Variants in CFAP61 observed in about 807,000 individuals in gnomAD.
The protein encoded by CFAP61 is cilia and flagella associated protein 61, also known as cilia- and flagella-associated protein 61.
Under a neutral mutation model 135.6 loss-of-function variants are expected in CFAP61, and 107 were observed. The observed-to-expected ratio is 0.79, with a 90% CI of 0.67 to 0.93. The LOEUF (loss-of-function observed/expected upper bound fraction) is 0.93. Among genes scored for constraint, CFAP61 ranks in the 40% least tolerant of loss-of-function variants. CFAP61 has a pLI of 0.00. For missense variants in CFAP61, 1,507 were observed against 1,556.2 expected, an observed-to-expected ratio of 0.97 and a Z score of 0.53; for synonymous variants, 575 against 578.5, an observed-to-expected ratio of 0.99 and a Z score of 0.09.
intron 18 of CFAP61, among the ~76,000 whole-genome samples, chr20:20,240,603 A>G (rs2049950224): frequency 6.6e-6 from 1 of 151,810 alleles, no homozygotes; most frequent in African/African-American, 2.4e-5. Context: ...ATCCTGATTA[A>G]TAAGGATCTT....
At chr20:20,274,102 T>G (rs1364287286) in intron 21 of CFAP61, among the ~76,000 whole-genome samples, 1 of 152,236 alleles carries the variant, frequency 6.6e-6, no homozygotes, top group Non-Finnish European at 1.5e-5. Context: ...TTTTGCTGTA[T>G]GACAACATTA....
At position 20,090,933 on chromosome 20, in the gene CFAP61, T is replaced by A; in HGVS notation, c.656T>A (p.Leu219Gln). Residue 219 changes from leucine (L) to glutamine (Q), a missense_variant, in exon 7 of 27, where the codon CTA becomes CAA. By Grantham distance (113) the Leu-to-Gln change is moderately radical. Coordinates refer to ENST00000245957, the MANE Select transcript of CFAP61 (RefSeq NM_015585.4). ...TACGGTGAATACTTCCTGGCCGAAC[T>A]AATAGAGGCCCAAGATGAAGAGAAT... ...ETYGEYFLAE[L>Q]IEAQDEENHA... 1.2e-6 allele frequency: 2 copies of A among 1,614,112 alleles called. No individual in the cohort carries two copies. Among genetic ancestry groups the A allele is most frequent in the Non-Finnish European group, 1.7e-6 (2 of 1,179,980 alleles).
intron 9 of CFAP61, among the ~76,000 whole-genome samples, chr20:20,151,554 C>T (rs1210230990): frequency 1.3e-5 from 2 of 152,058 alleles, no homozygotes; most frequent in African/African-American, 4.8e-5. Context: ...GGGCCAGGTT[C>T]AGTGGCTCAT....
chr20:20,105,154 G>A (rs1270942242), intron 8 of CFAP61, among the ~76,000 whole-genome samples: 1 of 152,106 alleles, frequency 6.6e-6, no homozygotes, highest in African/African-American at 2.4e-5. Flanking sequence ...ATAAGCCCAT[G>A]TTCTTCCCCT....
At chr20:20,190,070 C>T (rs2055813080) in intron 14 of CFAP61, among the ~76,000 whole-genome samples, 1 of 152,228 alleles carries the variant, frequency 6.6e-6, no homozygotes, top group Non-Finnish European at 1.5e-5. Context: ...CAGGCGTGAG[C>T]CACCGTGCCC....
intron 8 of CFAP61, chr20:20,107,768 A>G (rs1391469616): frequency 6.6e-6 from 1 of 152,150 alleles, no homozygotes; most frequent in Admixed American, 6.6e-5. Context: ...TAGCTGGACT[A>G]TAGGTATGTG....
chr20:20,205,912 C>A (rs913049296), intron 17 of CFAP61, among the ~76,000 whole-genome samples: 2 of 152,138 alleles, frequency 1.3e-5, no homozygotes, highest in Non-Finnish European at 2.9e-5. Flanking sequence ...TTATACATTT[C>A]CCAAGATTCA....
At position 20,349,307 on chromosome 20, in the gene CFAP61, G is replaced by A. The variant is rs114763063; in HGVS notation, c.3513+7386G>A. Among the ~76,000 whole-genome samples the A allele has an allele frequency of 7.8e-3, 1,185 of 152,318 alleles. 17 individuals are homozygous for A. The highest frequency in any genetic ancestry group is 0.027 in the African/African-American group (1,132 of 41,568). On this transcript the variant is annotated intron_variant, in intron 26 of 26. Coordinates refer to ENST00000245957, the MANE Select transcript of CFAP61 (RefSeq NM_015585.4). ...ACATGTACTGACATCTGCTTCTGGT[G>A]AGGGCCTCAGGAAATTTCCAGTCAT... is the stretch of plus-strand genomic sequence containing the variant.
intron 8 of CFAP61, among the ~76,000 whole-genome samples, chr20:20,111,135 A>G (rs747103296): frequency 3.0e-4 from 45 of 152,200 alleles, no homozygotes; most frequent in Admixed American, 4.6e-4. Flanking sequence ...TTGATCAAAG[A>G]TAATAAAATT....
In CFAP61 at chr20:20,196,777, G is replaced by T; in HGVS notation, c.1797+1G>T. The T allele has an allele frequency of 1.9e-6, 3 of 1,613,018 alleles. No individual in the cohort carries two copies. The highest frequency in any genetic ancestry group is 2.5e-6 in the Non-Finnish European group (3 of 1,178,976). On this transcript the variant is annotated splice_donor_variant, in intron 16 of 26. Coordinates refer to ENST00000245957, the MANE Select transcript of CFAP61 (RefSeq NM_015585.4). LOFTEE classifies it high-confidence loss of function. The stretch of plus-strand genomic sequence containing the variant: ...TTACCCAAAATCCAGAGAAGGCAAG[G>T]TAAGAGAATGGTGCAATTCACTTTC...
chr20:20,159,395 C>T lies in CFAP61; in HGVS notation c.977C>T (p.Ser326Phe), dbSNP rs2053215598. Residue 326 changes from serine (S) to phenylalanine (F), a missense_variant, in exon 10 of 27, where the codon TCC (serine) becomes TTC (phenylalanine). Transcript: ENST00000245957. ...IQGNIAREAA[S>F]EEALTAVQSG... ...GGAAATATTGCCAGAGAAGCTGCAT[C>T]CGAGGAAGCTTTAACAGCAGTCCAA... 1 of 1,613,850 alleles carries T rather than the reference C, an allele frequency of 6.2e-7. No individual in the cohort carries two copies. Among genetic ancestry groups the T allele is most frequent in the Admixed American group, 1.7e-5 (1 of 59,992 alleles).
intron 15 of CFAP61, among the ~76,000 whole-genome samples, chr20:20,195,744 G>T (rs965760024): frequency 6.6e-6 from 1 of 152,126 alleles, no homozygotes. Flanking sequence ...GCCCAATTAC[G>T]CAGTTTTATA....
intron 24 of CFAP61, among the ~76,000 whole-genome samples, chr20:20,294,421 A>G (rs1336673572): frequency 6.6e-6 from 1 of 152,202 alleles, no homozygotes; most frequent in African/African-American, 2.4e-5. Context: ...GGACCCCTCC[A>G]GTGATGCTAA....
chr20:20,202,829 C>A (rs542111335), intron 17 of CFAP61, among the ~76,000 whole-genome samples: 18 of 152,118 alleles, frequency 1.2e-4, no homozygotes, highest in Admixed American at 2.6e-4. Flanking sequence ...ATGTCCATAT[C>A]ATTTCTCTTG....
intron 19 of CFAP61, among the ~76,000 whole-genome samples, chr20:20,248,176 T>C (rs891064368): frequency 6.6e-6 from 1 of 152,182 alleles, no homozygotes; most frequent in African/African-American, 2.4e-5. Flanking sequence ...AAAACTCCTC[T>C]CAAGCAAGTG....
rs147357752 is a variant in CFAP61 at position 20,075,189 on chromosome 20, A to C, written c.372A>C (p.Arg124=). The C allele has an allele frequency of 2.7e-4, 434 of 1,613,994 alleles. 1 individual carries two copies. In the African/African-American group the frequency reaches 5.2e-3, roughly 19 times the overall value. The part of the protein sequence containing the change: ...YSVGCCKEIL[R]TVYKAVPELH... ...GCCCCACCCTCTCTTTCCTCACCAGAACCGTGTATAAGGCAGTGCCAGAGC... is the reference window on the plus strand; with the variant it reads ...GCCCCACCCTCTCTTTCCTCACCAGCACCGTGTATAAGGCAGTGCCAGAGC... Residue 124 remains arginine, a splice_region_variant and synonymous_variant, in exon 5 of 27, where the codon CGA becomes CGC. Transcript: ENST00000245957.
intron 8 of CFAP61, among the ~76,000 whole-genome samples, chr20:20,136,062 T>C (rs531448872): frequency 6.6e-6 from 1 of 152,344 alleles, no homozygotes; most frequent in South Asian, 2.1e-4. Context: ...ATGCCACTCT[T>C]TCCTGGCCTG....
intron 13 of CFAP61, among the ~76,000 whole-genome samples, chr20:20,176,796 C>A (rs949842177): frequency 6.6e-6 from 1 of 152,034 alleles, no homozygotes. Context: ...GATGGGTTGA[C>A]AGGTGCAACA....
chr20:20,159,289 C>A, intron 9 of CFAP61, 81 bp from the exon 10 acceptor site: 1 of 1,277,636 alleles, frequency 7.8e-7, no homozygotes. Flanking sequence ...GGTCTGAACC[C>A]TGGCAGTTTG....
Sources: gnomAD v4.1 joint callset for allele counts (sites outside exome capture counted in the v4.1 genomes callset) on GRCh38, gnomAD v4.1.1 for gene constraint, MANE v1.5 for transcripts, NCBI Gene and HGNC (gene_info 2026-07-23, HGNC 2026-07-21) for gene names.